Variants in SAMMSON observed in about 807,000 individuals in gnomAD.
The protein encoded by SAMMSON is long intergenic non-protein coding RNA 1212.
At chr3:70,007,577 T>A (rs1230268277) in intron 1 of SAMMSON, among the ~76,000 whole-genome samples, 1 of 152,190 alleles carries the variant, frequency 6.6e-6, no homozygotes, top group African/African-American at 2.4e-5. Context: ...GCAAAAATTT[T>A]CTCCCATTCT....
intron 4 of SAMMSON, among the ~76,000 whole-genome samples, chr3:70,182,131 A>G (rs950079565): frequency 6.6e-6 from 1 of 152,074 alleles, no homozygotes; most frequent in African/African-American, 2.4e-5. Flanking sequence ...CTGGGTAGGA[A>G]GCAGGTGTCT....
At chr3:70,152,831 G>A (rs2067577067) in intron 4 of SAMMSON, among the ~76,000 whole-genome samples, 1 of 152,134 alleles carries the variant, frequency 6.6e-6, no homozygotes, top group South Asian at 2.1e-4. Context: ...TAGAGCTGTT[G>A]TAATATGGGG....
intron 6 of SAMMSON, among the ~76,000 whole-genome samples, chr3:70,287,316 C>T (rs1318311552): frequency 6.9e-6 from 1 of 145,096 alleles, no homozygotes; most frequent in Non-Finnish European, 1.5e-5. Flanking sequence ...TTGAGATAAT[C>T]ATGTGGTTTT....
At chr3:70,413,271 T>C (rs1384044273) in intron 2 of SAMMSON, among the ~76,000 whole-genome samples, 1 of 152,176 alleles carries the variant, frequency 6.6e-6, no homozygotes, top group African/African-American at 2.4e-5. Flanking sequence ...ATTTTTCCTA[T>C]ATGTCAAGCT....
intron 4 of SAMMSON, among the ~76,000 whole-genome samples, chr3:70,206,173 T>C (rs1356743425): frequency 2.0e-5 from 3 of 152,066 alleles, no homozygotes; most frequent in Non-Finnish European, 4.4e-5. Flanking sequence ...ATGCTGTCTA[T>C]ATTTATATAT....
At chr3:70,259,199 C>G (rs960575760) in intron 6 of SAMMSON, among the ~76,000 whole-genome samples, 1 of 152,044 alleles carries the variant, frequency 6.6e-6, no homozygotes, top group Non-Finnish European at 1.5e-5. Context: ...TAGCCATTTC[C>G]CAGAACACAT....
intron 4 of SAMMSON, among the ~76,000 whole-genome samples, chr3:70,173,674 G>A (rs962332151): frequency 6.6e-6 from 1 of 151,714 alleles, no homozygotes; most frequent in Non-Finnish European, 1.5e-5. Flanking sequence ...CAATGATCAC[G>A]AGCCAAAATG....
chr3:70,064,857 G>A (rs1164680804), intron 3 of SAMMSON, among the ~76,000 whole-genome samples: 3 of 152,076 alleles, frequency 2.0e-5, no homozygotes, highest in Admixed American at 6.6e-5. Context: ...CGTGTGTACA[G>A]TGTGTATGTC....
At chr3:70,233,652 C>G (rs890459089) in intron 4 of SAMMSON, among the ~76,000 whole-genome samples, 1 of 152,160 alleles carries the variant, frequency 6.6e-6, no homozygotes. Context: ...ATCCATGCAT[C>G]CCTCTACTTC....
chr3:70,063,694 A>G (rs1047858922), intron 3 of SAMMSON, among the ~76,000 whole-genome samples: 3 of 152,044 alleles, frequency 2.0e-5, no homozygotes, highest in Admixed American at 6.6e-5. Flanking sequence ...CTTTCTGTGA[A>G]TCAAATCCTT....
At chr3:70,138,541 G>C (rs568618398) in intron 4 of SAMMSON, among the ~76,000 whole-genome samples, 1 of 152,120 alleles carries the variant, frequency 6.6e-6, no homozygotes, top group Non-Finnish European at 1.5e-5. Flanking sequence ...CTATCACCTA[G>C]GTGGCTAGAA....
At chr3:70,240,501 T>C (rs1358734000) in intron 4 of SAMMSON, among the ~76,000 whole-genome samples, 1 of 152,154 alleles carries the variant, frequency 6.6e-6, no homozygotes, top group Non-Finnish European at 1.5e-5. Flanking sequence ...AAAATATGTG[T>C]TTCCTAGCCC....
chr3:70,206,391 G>C (rs889519551), intron 4 of SAMMSON, among the ~76,000 whole-genome samples: 1 of 152,026 alleles, frequency 6.6e-6, no homozygotes, highest in African/African-American at 2.4e-5. Flanking sequence ...AATCTGCCAA[G>C]CGCCTCATAA....
intron 7 of SAMMSON, among the ~76,000 whole-genome samples, chr3:70,322,235 A>G (rs1312218483): frequency 6.6e-6 from 1 of 152,126 alleles, no homozygotes; most frequent in Non-Finnish European, 1.5e-5. Flanking sequence ...AAACTAATAG[A>G]TATTATTGAC....
chr3:70,054,175 A>G (rs1489063340), intron 3 of SAMMSON, among the ~76,000 whole-genome samples: 1 of 152,096 alleles, frequency 6.6e-6, no homozygotes, highest in Non-Finnish European at 1.5e-5. Flanking sequence ...TTTTAGTTTT[A>G]ATTTTAAGAG....
chr3:70,018,561 T>C (rs971064041), intron 3 of SAMMSON, among the ~76,000 whole-genome samples: 2 of 152,038 alleles, frequency 1.3e-5, no homozygotes, highest in African/African-American at 4.8e-5. Flanking sequence ...TTTTGAAGGG[T>C]TTTTTGTGTC....
At chr3:70,316,509 A>G (rs1426923893) in intron 7 of SAMMSON, among the ~76,000 whole-genome samples, 1 of 152,104 alleles carries the variant, frequency 6.6e-6, no homozygotes, top group East Asian at 1.9e-4. Context: ...CTGCTACAGA[A>G]TGGAATCTCT....
At chr3:70,384,523 A>G (rs181424038) in intron 9 of SAMMSON, among the ~76,000 whole-genome samples, 1 of 152,170 alleles carries the variant, frequency 6.6e-6, no homozygotes, top group Admixed American at 6.6e-5. Context: ...TCTCCTCCGG[A>G]CATAAAACTT....
intron 4 of SAMMSON, among the ~76,000 whole-genome samples, chr3:70,207,361 A>C (rs1701302783): frequency 6.6e-6 from 1 of 152,080 alleles, no homozygotes; most frequent in Admixed American, 6.6e-5. Flanking sequence ...GTTCCTATTC[A>C]GGTGATAGCC....
Sources: gnomAD v4.1 joint callset for allele counts (sites outside exome capture counted in the v4.1 genomes callset) on GRCh38, gnomAD v4.1.1 for gene constraint, MANE v1.5 for transcripts, NCBI Gene and HGNC (gene_info 2026-07-23, HGNC 2026-07-21) for gene names.